The following PRKAR2B variants were observed in gnomAD, a reference collection of about 807,000 sequenced individuals.
The protein encoded by PRKAR2B is protein kinase cAMP-dependent type II regulatory subunit beta.
In PRKAR2B, 14 loss-of-function variants were observed where a neutral mutation model predicts 49.9. The observed-to-expected ratio is 0.28, with a 90% CI of 0.19 to 0.44. The LOEUF is 0.44. PRKAR2B is among the 20% of genes least tolerant of loss of function. The probability of loss-of-function intolerance (pLI) is 1.00; values close to 1 mark genes in which losing one functional copy is unlikely to be tolerated. For synonymous variants in PRKAR2B, 196 were observed against 197.7 expected (o/e 0.99, Z 0.07); for missense variants, 393 against 537.9 (o/e 0.73, Z 2.67).
chr7:107,049,594 A>G (rs958792732), intron 1 of PRKAR2B, among the ~76,000 whole-genome samples: 15 of 152,304 alleles, frequency 9.8e-5, no homozygotes, highest in African/African-American at 3.4e-4. Flanking sequence ...TATCATTGAT[A>G]TAAAATCTTA....
intron 2 of PRKAR2B, among the ~76,000 whole-genome samples, chr7:107,103,093 A>G (rs1162541875): frequency 6.6e-6 from 1 of 152,230 alleles, no homozygotes; most frequent in Non-Finnish European, 1.5e-5. Context: ...AGGGATTAAA[A>G]CAAAAATGTT....
intron 1 of PRKAR2B, among the ~76,000 whole-genome samples, chr7:107,063,242 C>T (rs1357611786): frequency 6.6e-6 from 1 of 152,142 alleles, no homozygotes; most frequent in African/African-American, 2.4e-5. Flanking sequence ...TGTGATCTGC[C>T]CACCTGGGCC....
chr7:107,118,487 A>G (rs938248163), intron 2 of PRKAR2B, among the ~76,000 whole-genome samples: 11 of 151,998 alleles, frequency 7.2e-5, no homozygotes, highest in African/African-American at 2.7e-4. Flanking sequence ...CTAGTAGGCA[A>G]TGTGCCAAGT....
chr7:107,136,758 T>C (rs6960708), intron 4 of PRKAR2B, among the ~76,000 whole-genome samples: 19,603 of 152,204 alleles, frequency 0.13, 1,539 homozygotes, highest in African/African-American at 0.22. Flanking sequence ...AGTGGTGTCT[T>C]TTACAACTAA....
chr7:107,119,833 T>A (rs943102640), intron 2 of PRKAR2B, among the ~76,000 whole-genome samples: 1 of 152,206 alleles, frequency 6.6e-6, no homozygotes, highest in Non-Finnish European at 1.5e-5. Context: ...TGGTTTCATA[T>A]GTCAGTGAGG....
intron 1 of PRKAR2B, among the ~76,000 whole-genome samples, chr7:107,052,153 CAT>C (rs1793818256): frequency 6.6e-6 from 1 of 152,058 alleles, no homozygotes; most frequent in Admixed American, 6.5e-5. Context: ...CACGGTGGCT[CAT>C]GTCTATAATT....
At chr7:107,056,348 TGAA>T (rs1793910654) in intron 1 of PRKAR2B, among the ~76,000 whole-genome samples, 2 of 152,208 alleles carry the variant, frequency 1.3e-5, no homozygotes. Flanking sequence ...TCGAATTCTG[TGAA>T]GAAGGTCATT....
intron 8 of PRKAR2B, among the ~76,000 whole-genome samples, chr7:107,154,653 T>G (rs1037379505): frequency 6.6e-6 from 1 of 152,246 alleles, no homozygotes; most frequent in Admixed American, 6.5e-5. Context: ...AATCAGATGC[T>G]AAACTTCTTG....
chr7:107,098,715 TTG>T, intron 2 of PRKAR2B, among the ~76,000 whole-genome samples: 1 of 152,210 alleles, frequency 6.6e-6, no homozygotes, highest in Non-Finnish European at 1.5e-5. Context: ...TCCTTTCTGT[TTG>T]TTAGTTTTCC....
At chr7:107,101,875 C>CTTTTTTTTTTTTTTTTTTTTT (rs10589473) in intron 2 of PRKAR2B, among the ~76,000 whole-genome samples, 4 of 94,232 alleles carry the variant, frequency 4.2e-5, no homozygotes, top group African/African-American at 8.5e-5. Context: ...AGCCCTGATC[C>CTTTTTTTTTTTTTTTTTTTTT]TTTTTTTTTT....
chr7:107,131,432 C>T lies in PRKAR2B; in HGVS notation c.480+3137C>T, dbSNP rs140939995. 8.7e-4 allele frequency among the ~76,000 whole-genome samples: 133 copies of T among 152,284 alleles called. 1 individual carries two copies. The highest frequency in any genetic ancestry group is 3.0e-3 in the African/African-American group (123 of 41,546). ...GCTAATACAGTCTGGCAAGGAGCAT[C>T]TTTGCTTAGTGTGATTATTTTGTAA... On this transcript the variant is annotated intron_variant, in intron 4 of 10. Coordinates refer to ENST00000265717, the MANE Select transcript of PRKAR2B (RefSeq NM_002736.3).
rs555901388 is a variant in PRKAR2B, at chr7:107,100,648, A to T, written c.344-21304A>T. On this transcript the variant is annotated intron_variant, in intron 2 of 10. Transcript: ENST00000265717. ...CTTAGGCTAGTATACTTGATGTCTCACAGATATCTACGACTGTCTATTTTT... is the reference window on the plus strand; with the variant it reads ...CTTAGGCTAGTATACTTGATGTCTCTCAGATATCTACGACTGTCTATTTTT... Among the ~76,000 whole-genome samples, 6 of 152,230 alleles carry T rather than the reference A, an allele frequency of 3.9e-5. No individual in the cohort carries two copies. The South Asian group carries it at 1.2e-3, about 32-fold the overall frequency.
chr7:107,159,669 A>G lies in PRKAR2B; in HGVS notation c.*87A>G. 7.2e-7 allele frequency: 1 copy of G among 1,397,694 alleles called. No individual in the cohort carries two copies. The highest frequency in any genetic ancestry group is 9.8e-7 in the Non-Finnish European group (1 of 1,024,762). 86.6% of individuals were successfully genotyped at this position (1,397,694 alleles called of 1,614,324 possible). A position where few individuals can be genotyped will look rare whatever the true frequency, so the allele number is the denominator to read the frequency against. On this transcript the variant is annotated 3_prime_UTR_variant, in exon 11 of 11. Transcript: ENST00000265717. ...GAATGTGTTTGTGTAGATGCCAAGC[A>G]TTTTCTGTGATTTCAGGTTTTTTCC... is the stretch of plus-strand genomic sequence containing the variant.
chr7:107,093,095 T>C (rs1302188873), intron 2 of PRKAR2B, among the ~76,000 whole-genome samples: 2 of 152,252 alleles, frequency 1.3e-5, no homozygotes, highest in African/African-American at 4.8e-5. Flanking sequence ...TATATGTAAA[T>C]ATCACATTTG....
chr7:107,101,135 AT>A (rs950761298), intron 2 of PRKAR2B, among the ~76,000 whole-genome samples: 8,310 of 95,002 alleles, frequency 0.087, 240 homozygotes, highest in African/African-American at 0.22. Context: ...GTTGTTGCTT[AT>A]TTTTTTTTTT....
intron 2 of PRKAR2B, among the ~76,000 whole-genome samples, chr7:107,071,067 T>G (rs1330668622): frequency 6.6e-6 from 1 of 152,210 alleles, no homozygotes. Context: ...TGAGATAAAC[T>G]ATTATTTAGA....
At chr7:107,140,545 A>G (rs1308239459) in intron 4 of PRKAR2B, among the ~76,000 whole-genome samples, 2 of 152,224 alleles carry the variant, frequency 1.3e-5, no homozygotes, top group Admixed American at 6.5e-5. Context: ...TGCTAAGATT[A>G]TATTTCACAA....
chr7:107,128,782 G>A (rs1795544927), intron 4 of PRKAR2B: 1 of 133,868 alleles, frequency 7.5e-6, no homozygotes, highest in African/African-American at 2.7e-5. Context: ...TGGCTTTAAG[G>A]TGAGGTTTTT....
At chr7:107,051,939 G>A (rs1449844683) in intron 1 of PRKAR2B, among the ~76,000 whole-genome samples, 1 of 152,122 alleles carries the variant, frequency 6.6e-6, no homozygotes, top group African/African-American at 2.4e-5. Context: ...AGACAAAATA[G>A]TCCATGGGAG....
Sources: gnomAD v4.1 joint callset for allele counts (sites outside exome capture counted in the v4.1 genomes callset) on GRCh38, gnomAD v4.1.1 for gene constraint, MANE v1.5 for transcripts, NCBI Gene and HGNC (gene_info 2026-07-23, HGNC 2026-07-21) for gene names.